DOK6: variants seen among roughly 807,000 people sequenced by gnomAD.
The protein encoded by DOK6 is docking protein 6.
A neutral mutation model predicts 44.0 loss-of-function variants in DOK6; 22 were observed. That is an observed-to-expected ratio of 0.50 (90% CI 0.36 to 0.71). The LOEUF (loss-of-function observed/expected upper bound fraction) is 0.71, where lower values mean the gene tolerates loss of function less well. Ranked by LOEUF, DOK6 falls within the 30% of genes least tolerant of loss-of-function variation. The pLI is 0.00. For missense variants in DOK6, 340 were observed against 416.4 expected (o/e 0.82, Z 1.60); for synonymous variants, 166 against 145.5 (o/e 1.14, Z -1.01).
Position 69,632,824 on chromosome 18 carries a change from ATCC to A in DOK6, c.289+33327_289+33329del, listed in dbSNP as rs1984719702. Among the ~76,000 whole-genome samples, 5 of 152,226 alleles carry A rather than the reference ATCC, an allele frequency of 3.3e-5. No homozygotes were observed. The South Asian group carries it at 1.0e-3, about 31-fold the overall frequency. On this transcript the variant is annotated intron_variant, in intron 3 of 7. Coordinates refer to ENST00000382713, the MANE Select transcript of DOK6 (RefSeq NM_152721.6). ...GGAGCAAGACAAAATAAGCATTAGA[ATCC>A]AGCCAATTCAGGAAGCAACAGTAAT...
At chr18:69,510,772 G>T (rs1981345298) in intron 1 of DOK6, among the ~76,000 whole-genome samples, 2 of 152,102 alleles carry the variant, frequency 1.3e-5, no homozygotes, top group Non-Finnish European at 2.9e-5. Context: ...ATAGCCAATT[G>T]TAACTTTAGT....
chr18:69,699,962 A>T (rs1208484159), intron 5 of DOK6, among the ~76,000 whole-genome samples: 1 of 152,088 alleles, frequency 6.6e-6, no homozygotes, highest in South Asian at 2.1e-4. Context: ...AGAAGGAGAA[A>T]GACACATCTC....
intron 1 of DOK6, among the ~76,000 whole-genome samples, chr18:69,484,962 C>A (rs1040766081): frequency 1.3e-5 from 2 of 151,318 alleles, no homozygotes; most frequent in African/African-American, 4.9e-5. Context: ...TGCTGGGCTT[C>A]AGCTGGGAAA....
chr18:69,524,930 A>G (rs2144567666), intron 1 of DOK6, among the ~76,000 whole-genome samples: 1 of 151,928 alleles, frequency 6.6e-6, no homozygotes, highest in South Asian at 2.1e-4. Context: ...CACTGGAGAG[A>G]TGAGAAATGC....
intron 6 of DOK6, among the ~76,000 whole-genome samples, chr18:69,743,908 G>A (rs552851106): frequency 4.1e-4 from 63 of 151,924 alleles, no homozygotes; most frequent in African/African-American, 1.4e-3. Flanking sequence ...TACAGTGTAA[G>A]GACAAATAGC....
rs781246408 is a variant in DOK6, at chr18:69,564,600, T to A, written c.174+6T>A. The A allele has an allele frequency of 6.2e-7, 1 of 1,609,994 alleles. No homozygotes were observed. Among genetic ancestry groups the A allele is most frequent in the Non-Finnish European group, 8.5e-7 (1 of 1,177,572 alleles). ...ATTTCAGAAACTTTCATAAGGTAAG[T>A]CACAGTCCTGGGAGTCCCTGGGGAA... On this transcript the variant is annotated splice_donor_region_variant and intron_variant, in intron 2 of 7. Coordinates refer to ENST00000382713, the MANE Select transcript of DOK6 (RefSeq NM_152721.6).
chr18:69,731,479 A>C (rs1384968302), intron 5 of DOK6, among the ~76,000 whole-genome samples: 1 of 152,152 alleles, frequency 6.6e-6, no homozygotes, highest in Non-Finnish European at 1.5e-5. Flanking sequence ...AGTCAAATCA[A>C]ATCCAGTCTT....
chr18:69,735,200 G>A (rs73970246), intron 5 of DOK6, among the ~76,000 whole-genome samples: 2,716 of 152,314 alleles, frequency 0.018, 70 homozygotes, highest in African/African-American at 0.061. Flanking sequence ...GCTGGATAAA[G>A]AGGATATTCT....
Position 69,629,406 on chromosome 18 carries a change from G to A in DOK6, c.289+29908G>A, listed in dbSNP as rs1043299315. Among the ~76,000 whole-genome samples, 4 of 152,084 alleles carry A rather than the reference G, an allele frequency of 2.6e-5. No homozygotes were observed. In the South Asian group the frequency reaches 6.2e-4, roughly 24 times the overall value. On this transcript the variant is annotated intron_variant, in intron 3 of 7. Coordinates refer to ENST00000382713, the MANE Select transcript of DOK6 (RefSeq NM_152721.6). Reference sequence around the variant, plus strand: ...CATGAATTATGCTTATGACTGACATGTTGCACATCCCACATATGGTGTCTA... The same window carrying A: ...CATGAATTATGCTTATGACTGACATATTGCACATCCCACATATGGTGTCTA...
intron 3 of DOK6, chr18:69,663,023 A>T (rs903946496): frequency 6.6e-6 from 1 of 152,242 alleles, no homozygotes; most frequent in Admixed American, 6.5e-5. Flanking sequence ...TTGAATCTCA[A>T]GTCCCTTAAA....
At chr18:69,736,211 A>C (rs1341960904) in intron 5 of DOK6, among the ~76,000 whole-genome samples, 1 of 152,224 alleles carries the variant, frequency 6.6e-6, no homozygotes, top group African/African-American at 2.4e-5. Context: ...CTACTTGAAA[A>C]TTATATGATA....
At chr18:69,504,063 G>T (rs1170416395) in intron 1 of DOK6, among the ~76,000 whole-genome samples, 1 of 151,868 alleles carries the variant, frequency 6.6e-6, no homozygotes, top group Non-Finnish European at 1.5e-5. Flanking sequence ...AATACTGTAG[G>T]TTTCCATGTC....
At chr18:69,476,313 G>A (rs1980260383) in intron 1 of DOK6, among the ~76,000 whole-genome samples, 1 of 152,156 alleles carries the variant, frequency 6.6e-6, no homozygotes, top group African/African-American at 2.4e-5. Flanking sequence ...TTTTCTACAT[G>A]AAGAATATAC....
chr18:69,466,498 A>C (rs1979931381), intron 1 of DOK6, among the ~76,000 whole-genome samples: 1 of 152,148 alleles, frequency 6.6e-6, no homozygotes, highest in Admixed American at 6.5e-5. Flanking sequence ...TATCCCCGAG[A>C]TAGTGTTTTT....
intron 1 of DOK6, among the ~76,000 whole-genome samples, chr18:69,514,305 C>T (rs1395096230): frequency 6.6e-6 from 1 of 152,010 alleles, no homozygotes. Flanking sequence ...ATGAAGACGA[C>T]ATTTAAGAAC....
At chr18:69,768,351 G>C (rs1979782945) in intron 7 of DOK6, among the ~76,000 whole-genome samples, 2 of 152,016 alleles carry the variant, frequency 1.3e-5, no homozygotes, top group South Asian at 4.2e-4. Context: ...CAGAGAAAGA[G>C]AGGAGCATCT....
At chr18:69,608,378 G>A (rs183542892) in intron 3 of DOK6, among the ~76,000 whole-genome samples, 176 of 152,202 alleles carry the variant, frequency 1.2e-3, no homozygotes, top group Admixed American at 3.3e-3. Flanking sequence ...CTGCCTTCAC[G>A]CCAGTATTAA....
intron 1 of DOK6, among the ~76,000 whole-genome samples, chr18:69,530,586 GA>G (rs201087099): frequency 4.0e-5 from 6 of 149,962 alleles, no homozygotes; most frequent in South Asian, 2.1e-4. Flanking sequence ...AAGTATCAAT[GA>G]AAAAAAAATG....
At position 69,599,436 on chromosome 18, in the gene DOK6, A is replaced by G; in HGVS notation, c.227A>G (p.Lys76Arg). ...KNITRLPRET[K>R]KHAVAIIFHD... ...ATAACCAGACTGCCCCGAGAGACAA[A>G]GAAGCATGCGGTGGCAATCATCTTT... Residue 76 changes from lysine (K) to arginine (R), a missense_variant, in exon 3 of 8, where the codon AAG (lysine) becomes AGG (arginine). This residue lies in a region of DOK6 where 206 missense variants were observed against 258.6 expected (regional missense o/e 0.80). Coordinates refer to ENST00000382713, the MANE Select transcript of DOK6 (RefSeq NM_152721.6). 7 of 1,614,046 alleles carry G rather than the reference A, an allele frequency of 4.3e-6. No homozygotes were observed. The highest frequency in any genetic ancestry group is 1.3e-5 in the African/African-American group (1 of 75,024).
Sources: gnomAD v4.1 joint callset for allele counts (sites outside exome capture counted in the v4.1 genomes callset) on GRCh38, gnomAD v4.1.1 for gene constraint, gnomAD v4.1.1 regional missense constraint, MANE v1.5 for transcripts, NCBI Gene and HGNC (gene_info 2026-07-23, HGNC 2026-07-21) for gene names.